NRIP1: variants seen among roughly 807,000 people sequenced by gnomAD.
The protein encoded by NRIP1 is nuclear receptor interacting protein 1.
In NRIP1, 28 loss-of-function variants were observed where a neutral mutation model predicts 75.0. The ratio of observed to expected loss-of-function variants is 0.37; its 90% CI spans 0.28 to 0.51. The LOEUF (loss-of-function observed/expected upper bound fraction) is 0.51, where lower values mean the gene tolerates loss of function less well. Among genes scored for constraint, NRIP1 ranks in the 20% least tolerant of loss-of-function variants. The pLI, the probability that NRIP1 is intolerant of heterozygous loss-of-function variation, is 0.92. For missense variants in NRIP1, 1,435 were observed against 1,343.7 expected, an observed-to-expected ratio of 1.07 and a Z score of -1.06; for synonymous variants, 526 against 487.6, an observed-to-expected ratio of 1.08 and a Z score of -1.04.
At chr21:15,060,151 T>C (rs898588929) in intron 1 of NRIP1, among the ~76,000 whole-genome samples, 24 of 152,164 alleles carry the variant, frequency 1.6e-4, no homozygotes, top group Non-Finnish European at 3.4e-4. Flanking sequence ...TAGTATAAAT[T>C]CCTACTCATC....
chr21:15,030,825 A>G (rs151123605), intron 2 of NRIP1, among the ~76,000 whole-genome samples: 4,017 of 149,222 alleles, frequency 0.027, 65 homozygotes, highest in Non-Finnish European at 0.032. Flanking sequence ...TTCTATGTGT[A>G]TACACTCTGG....
intron 3 of NRIP1, among the ~76,000 whole-genome samples, chr21:15,004,529 A>C (rs781766769): frequency 6.6e-6 from 1 of 152,200 alleles, no homozygotes; most frequent in Non-Finnish European, 1.5e-5. Flanking sequence ...TGTCCAACTA[A>C]TTTATTTGGT....
chr21:14,998,509 T>A (rs1321994788), intron 3 of NRIP1, among the ~76,000 whole-genome samples: 2 of 152,204 alleles, frequency 1.3e-5, no homozygotes, highest in African/African-American at 4.8e-5. Flanking sequence ...CTGCCACAGA[T>A]ACCAAATGTC....
rs773481190 is a variant in NRIP1, at chr21:14,966,559, G to A, written c.1634C>T (p.Thr545Ile). 1 of 1,614,124 alleles carries A rather than the reference G, an allele frequency of 6.2e-7. No individual in the cohort carries two copies. The highest frequency in any genetic ancestry group is 8.5e-7 in the Non-Finnish European group (1 of 1,179,988). The change falls in exon 4 of 4, where the codon ACA (threonine) becomes ATA (isoleucine). Residue 545 changes from threonine (T) to isoleucine (I), a missense_variant. Transcript: ENST00000318948. The part of the protein sequence containing the change: ...ARTSVIESPS[T>I]NRTTPVSTPP... ...AGTGCTCACTGGAGTAGTCCGATTT[G>A]TACTGGGGCTTTCTATCACAGAAGT...
At chr21:15,002,216 C>T (rs2087864438) in intron 3 of NRIP1, 1 of 152,158 alleles carries the variant, frequency 6.6e-6, no homozygotes, top group Non-Finnish European at 1.5e-5. Context: ...CACAGGTACA[C>T]CGGAGTAATC....
chr21:14,964,639 C>A lies in NRIP1; in HGVS notation c.*77G>T. ...AATTATACCATGCTTTTTTTCAAATCATGCTCTTATTTATACAGATCTCAA... is the reference window on the plus strand; with the variant it reads ...AATTATACCATGCTTTTTTTCAAATAATGCTCTTATTTATACAGATCTCAA... On this transcript the variant is annotated 3_prime_UTR_variant, in exon 4 of 4. Coordinates refer to ENST00000318948, the MANE Select transcript of NRIP1 (RefSeq NM_003489.4). 1.8e-6 allele frequency: 2 copies of A among 1,105,892 alleles called. No individual in the cohort carries two copies. Among genetic ancestry groups the A allele is most frequent in the Non-Finnish European group, 2.5e-6 (2 of 800,248 alleles). 68.5% of individuals were successfully genotyped at this position (1,105,892 alleles called of 1,614,324 possible).
chr21:15,015,920 C>T (rs2088216743), intron 2 of NRIP1, among the ~76,000 whole-genome samples: 4 of 152,094 alleles, frequency 2.6e-5, no homozygotes, highest in Admixed American at 2.6e-4. Context: ...CTAAAATTTT[C>T]CACTCCCTAA....
intron 1 of NRIP1, among the ~76,000 whole-genome samples, chr21:15,063,601 C>G (rs1176030601): frequency 6.6e-6 from 1 of 152,186 alleles, no homozygotes; most frequent in Admixed American, 6.5e-5. Context: ...AACCCGACAA[C>G]CATTTTTACT....
chr21:15,019,651 G>A (rs990879613), intron 2 of NRIP1, among the ~76,000 whole-genome samples: 1 of 151,472 alleles, frequency 6.6e-6, no homozygotes, highest in African/African-American at 2.4e-5. Context: ...ACCATGCCTG[G>A]CTAATTTTGT....
intron 3 of NRIP1, among the ~76,000 whole-genome samples, chr21:14,994,827 T>TA (rs113542910): frequency 4.6e-5 from 7 of 151,892 alleles, no homozygotes; most frequent in Non-Finnish European, 5.9e-5. Context: ...AACAGGGCTG[T>TA]AAAAAAAATG....
At chr21:15,006,242 A>AT (rs1333867621) in intron 3 of NRIP1, among the ~76,000 whole-genome samples, 1 of 152,228 alleles carries the variant, frequency 6.6e-6, no homozygotes, top group Non-Finnish European at 1.5e-5. Context: ...CGGTCTTGTT[A>AT]TAAAAACATC....
chr21:15,032,947 C>G (rs114094283), intron 2 of NRIP1, among the ~76,000 whole-genome samples: 1 of 152,192 alleles, frequency 6.6e-6, no homozygotes, highest in African/African-American at 2.4e-5. Context: ...AAATGATCAC[C>G]GGGCGCGGTG....
At chr21:15,012,447 CTTT>C (rs869160226) in intron 3 of NRIP1, among the ~76,000 whole-genome samples, 6 of 79,378 alleles carry the variant, frequency 7.6e-5, no homozygotes, top group African/African-American at 1.0e-4. Context: ...ATTATAATGT[CTTT>C]TTTTTTTTTT....
intron 1 of NRIP1, among the ~76,000 whole-genome samples, chr21:15,056,068 T>C (rs1007191210): frequency 1.3e-5 from 2 of 152,134 alleles, no homozygotes; most frequent in African/African-American, 2.4e-5. Context: ...TTTATCATTA[T>C]TTTATTTATA....
chr21:14,966,388 A>T lies in NRIP1; in HGVS notation c.1805T>A (p.Leu602His). 1 of 1,613,992 alleles carries T rather than the reference A, an allele frequency of 6.2e-7. No individual in the cohort carries two copies. Among genetic ancestry groups the T allele is most frequent in the East Asian group, 2.2e-5 (1 of 44,872 alleles). ...TNTASNHSMD[L>H]TKSKDPPGEK... ...TCCTGGTGGGTCTTTGCTTTTTGTA[A>T]GGTCCATTGAGTGGTTAGATGCAGT... is the stretch of plus-strand genomic sequence containing the variant. The change falls in exon 4 of 4, where the codon CTT becomes CAT. Residue 602 changes from leucine to histidine, a missense_variant. Leu to His is a moderately conservative substitution (Grantham distance 99). Transcript: ENST00000318948.
chr21:15,007,966 C>G (rs571851046), intron 3 of NRIP1, among the ~76,000 whole-genome samples: 2 of 152,256 alleles, frequency 1.3e-5, no homozygotes, highest in African/African-American at 4.8e-5. Context: ...GTCAGTAAAT[C>G]AAGTGTCGGA....
At chr21:15,017,996 T>C (rs923307976) in intron 2 of NRIP1, among the ~76,000 whole-genome samples, 2 of 152,176 alleles carry the variant, frequency 1.3e-5, no homozygotes, top group African/African-American at 4.8e-5. Context: ...TACTCTAACA[T>C]TAATACTTAA....
chr21:15,000,182 T>C (rs74510450), intron 3 of NRIP1, among the ~76,000 whole-genome samples: 14 of 152,238 alleles, frequency 9.2e-5, no homozygotes, highest in Non-Finnish European at 1.9e-4. Flanking sequence ...TTCAGAGAGA[T>C]TCCTGTTTCT....
At chr21:15,060,384 T>C (rs1258652611) in intron 1 of NRIP1, among the ~76,000 whole-genome samples, 1 of 152,140 alleles carries the variant, frequency 6.6e-6, no homozygotes, top group Non-Finnish European at 1.5e-5. Flanking sequence ...TGGTCTCTAT[T>C]TTCCCCCTAC....
Sources: allele counts gnomAD v4.1 joint callset (sites outside exome capture counted in the v4.1 genomes callset), GRCh38; gene constraint gnomAD v4.1.1; transcripts MANE v1.5; gene names NCBI Gene and HGNC (gene_info 2026-07-23, HGNC 2026-07-21).